FHIT: variants seen among roughly 807,000 people sequenced by gnomAD.
The protein encoded by FHIT is bis(5'-adenosyl)-triphosphatase.
In FHIT, 19 loss-of-function variants were observed where a neutral mutation model predicts 17.9. The observed-to-expected ratio is 1.06, with a 90% CI of 0.74 to 1.56. FHIT has a LOEUF of 1.56. Ranked by LOEUF, FHIT falls within the 40% of genes most tolerant of loss-of-function variation. FHIT has a pLI of 0.00. For synonymous variants in FHIT, 81 were observed against 69.7 expected (o/e 1.16, Z -0.81); for missense variants, 248 against 189.2 (o/e 1.31, Z -1.82).
chr3:60,191,359 T>C (rs941064003), intron 5 of FHIT, among the ~76,000 whole-genome samples: 2 of 152,176 alleles, frequency 1.3e-5, no homozygotes, highest in Non-Finnish European at 2.9e-5. Context: ...TGTTGACTAG[T>C]CTCGTACTTA....
At chr3:60,742,714 G>A (rs1553714186) in intron 4 of FHIT, among the ~76,000 whole-genome samples, 1 of 152,112 alleles carries the variant, frequency 6.6e-6, no homozygotes, top group Non-Finnish European at 1.5e-5. Context: ...TTTAGTTAAG[G>A]ACACCAAACA....
chr3:59,994,853 G>C (rs184158645), intron 7 of FHIT, among the ~76,000 whole-genome samples: 55 of 152,138 alleles, frequency 3.6e-4, no homozygotes, highest in Admixed American at 1.6e-3. Context: ...CTTTCACCTT[G>C]TCTATGCACT....
At chr3:59,949,809 C>CAA (rs1707022331) in intron 7 of FHIT, among the ~76,000 whole-genome samples, 2 of 152,194 alleles carry the variant, frequency 1.3e-5, no homozygotes, top group South Asian at 4.1e-4. Context: ...GCACCTCTAA[C>CAA]CTATTTCTAG....
intron 2 of FHIT, among the ~76,000 whole-genome samples, chr3:61,044,462 T>A (rs575099810): frequency 6.6e-6 from 1 of 152,222 alleles, no homozygotes; most frequent in South Asian, 2.1e-4. Flanking sequence ...GAACAAAGCC[T>A]CCAAGTAATA....
intron 3 of FHIT, among the ~76,000 whole-genome samples, chr3:61,005,476 G>A (rs1015910037): frequency 2.0e-5 from 3 of 151,934 alleles, no homozygotes; most frequent in South Asian, 2.1e-4. Flanking sequence ...TTATGGCAGC[G>A]GTGACAAATG....
intron 7 of FHIT, among the ~76,000 whole-genome samples, chr3:59,927,928 C>T (rs553603066): frequency 6.6e-6 from 1 of 152,376 alleles, no homozygotes; most frequent in South Asian, 2.1e-4. Context: ...GAACACATCT[C>T]TTCTGCCCAT....
At chr3:60,634,749 G>A (rs545405751) in intron 4 of FHIT, among the ~76,000 whole-genome samples, 2 of 152,306 alleles carry the variant, frequency 1.3e-5, no homozygotes, top group East Asian at 1.9e-4. Context: ...TTAGAAACCC[G>A]AAGTGTTCCA....
chr3:60,944,128 C>T (rs782287760), intron 3 of FHIT, among the ~76,000 whole-genome samples: 10 of 152,116 alleles, frequency 6.6e-5, no homozygotes, highest in East Asian at 1.9e-4. Flanking sequence ...AAATGAGGGT[C>T]GCATAGTATA....
At chr3:60,211,639 C>G (rs548526300) in intron 5 of FHIT, among the ~76,000 whole-genome samples, 1 of 152,172 alleles carries the variant, frequency 6.6e-6, no homozygotes, top group South Asian at 2.1e-4. Flanking sequence ...TGTAGTAGGA[C>G]TGGTATCGAT....
At chr3:61,194,439 T>C (rs1277141202) in intron 2 of FHIT, among the ~76,000 whole-genome samples, 1 of 152,140 alleles carries the variant, frequency 6.6e-6, no homozygotes, top group African/African-American at 2.4e-5. Flanking sequence ...CACTAGTTAT[T>C]TAATATTTTC....
intron 5 of FHIT, among the ~76,000 whole-genome samples, chr3:60,358,986 A>C (rs1381265491): frequency 2.6e-5 from 4 of 152,194 alleles, no homozygotes; most frequent in Non-Finnish European, 5.9e-5. Flanking sequence ...CTTGTAGTCT[A>C]CTTGTTCAAG....
At chr3:59,811,444 A>G (rs1451769367) in intron 8 of FHIT, among the ~76,000 whole-genome samples, 1 of 152,238 alleles carries the variant, frequency 6.6e-6, no homozygotes, top group Non-Finnish European at 1.5e-5. Flanking sequence ...AAATCAAGAA[A>G]TCAAATCTAT....
At chr3:59,781,670 G>A (rs1452160306) in intron 8 of FHIT, among the ~76,000 whole-genome samples, 1 of 152,220 alleles carries the variant, frequency 6.6e-6, no homozygotes, top group Non-Finnish European at 1.5e-5. Context: ...ATGCATTTTA[G>A]TGATATTTTC....
At chr3:60,924,901 A>G (rs1222431180) in intron 3 of FHIT, among the ~76,000 whole-genome samples, 2 of 152,240 alleles carry the variant, frequency 1.3e-5, no homozygotes, top group African/African-American at 2.4e-5. Flanking sequence ...CACCAGAACT[A>G]CGTGACGAAT....
At chr3:60,981,295 C>CTTTTTTTTTTTTT (rs71100934) in intron 3 of FHIT, among the ~76,000 whole-genome samples, 3 of 124,500 alleles carry the variant, frequency 2.4e-5, no homozygotes, top group Non-Finnish European at 4.9e-5. Flanking sequence ...TTCTTCCTTC[C>CTTTTTTTTTTTTT]TTTTTTTTTT....
chr3:60,418,801 T>C (rs938993433), intron 5 of FHIT, among the ~76,000 whole-genome samples: 1 of 151,874 alleles, frequency 6.6e-6, no homozygotes, highest in Admixed American at 6.6e-5. Context: ...TGGAAAGACA[T>C]CTATGACATA....
chr3:59,856,620 G>T (rs1484631289), intron 8 of FHIT, among the ~76,000 whole-genome samples: 1 of 152,166 alleles, frequency 6.6e-6, no homozygotes, highest in African/African-American at 2.4e-5. Context: ...AAGTAGCAGT[G>T]TAACATTACA....
At chr3:60,329,425 A>C (rs1232138479) in intron 5 of FHIT, among the ~76,000 whole-genome samples, 1 of 152,228 alleles carries the variant, frequency 6.6e-6, no homozygotes, top group African/African-American at 2.4e-5. Flanking sequence ...ACCAGTGGAC[A>C]GAAAAGCAAA....
At chr3:60,591,804 T>C (rs1396330749) in intron 4 of FHIT, among the ~76,000 whole-genome samples, 1 of 152,044 alleles carries the variant, frequency 6.6e-6, no homozygotes, top group African/African-American at 2.4e-5. Flanking sequence ...ACACTCTAAC[T>C]TAGGCTATTT....
Sources: allele counts gnomAD v4.1 joint callset (sites outside exome capture counted in the v4.1 genomes callset), GRCh38; gene constraint gnomAD v4.1.1; transcripts MANE v1.5; gene names NCBI Gene and HGNC (gene_info 2026-07-23, HGNC 2026-07-21).